Variants in FMN1 observed in about 807,000 individuals in gnomAD.
FMN1 encodes the protein formin-1.
Under a neutral mutation model 132.4 loss-of-function variants are expected in FMN1, and 110 were observed. The observed-to-expected ratio is 0.83, with a 90% CI of 0.71 to 0.97. The LOEUF is 0.97. Ranked by LOEUF, FMN1 falls within the 50% of genes least tolerant of loss-of-function variation. The pLI is 0.00. For missense variants in FMN1, 1,792 were observed against 1,705.3 expected, an observed-to-expected ratio of 1.05 and a Z score of -0.90; for synonymous variants, 722 against 651.7, an observed-to-expected ratio of 1.11 and a Z score of -1.64.
At chr15:33,035,843 T>A (rs56014023) in intron 6 of FMN1, among the ~76,000 whole-genome samples, 1 of 152,118 alleles carries the variant, frequency 6.6e-6, no homozygotes, top group Non-Finnish European at 1.5e-5. Flanking sequence ...CTTTAAGAGG[T>A]GATTCGATCA....
intron 5 of FMN1, among the ~76,000 whole-genome samples, chr15:33,082,586 C>T (rs2038525796): frequency 6.6e-6 from 1 of 152,086 alleles, no homozygotes; most frequent in Non-Finnish European, 1.5e-5. Flanking sequence ...AATTTAGGCC[C>T]CAGTGCTTCT....
At chr15:32,863,808 C>T (rs2059332839) in intron 16 of FMN1, among the ~76,000 whole-genome samples, 2 of 152,208 alleles carry the variant, frequency 1.3e-5, no homozygotes, top group Admixed American at 1.3e-4. Context: ...TGCCCCCAAA[C>T]ACACTTTTAT....
chr15:32,867,313 T>C (rs555906874), intron 16 of FMN1, among the ~76,000 whole-genome samples: 3 of 152,342 alleles, frequency 2.0e-5, no homozygotes, highest in African/African-American at 7.2e-5. Flanking sequence ...AGGCCCTCCA[T>C]GCGCTACGTC....
intron 9 of FMN1, among the ~76,000 whole-genome samples, chr15:32,959,917 A>G (rs1217585124): frequency 2.6e-5 from 4 of 152,238 alleles, no homozygotes; most frequent in Admixed American, 1.3e-4. Flanking sequence ...ACGATCCTGC[A>G]TAAGAAAGCA....
chr15:32,990,983 G>C (rs565513502), intron 7 of FMN1, among the ~76,000 whole-genome samples: 1 of 152,014 alleles, frequency 6.6e-6, no homozygotes, highest in Middle Eastern at 3.2e-3. Context: ...ACTGCAATTC[G>C]AGATTTGGGC....
intron 6 of FMN1, among the ~76,000 whole-genome samples, chr15:33,009,574 G>C (rs928709329): frequency 1.3e-5 from 2 of 152,024 alleles, no homozygotes; most frequent in African/African-American, 2.4e-5. Flanking sequence ...TGCTAATATT[G>C]AAAACAATAA....
intron 7 of FMN1, among the ~76,000 whole-genome samples, chr15:32,989,594 G>C (rs771719910): frequency 6.6e-5 from 10 of 152,132 alleles, no homozygotes; most frequent in African/African-American, 2.4e-4. Flanking sequence ...AGATAAATTG[G>C]AGGGTCTTAA....
At position 32,767,268 on chromosome 15, in the gene FMN1, T is replaced by C. The variant is rs958495526; in HGVS notation, c.*7042A>G. On this transcript the variant is annotated 3_prime_UTR_variant, in exon 21 of 21. Coordinates refer to ENST00000616417, the MANE Select transcript of FMN1 (RefSeq NM_001277313.2). The stretch of plus-strand genomic sequence containing the variant: ...GCAAACTCACAAGATACCAGTTATA[T>C]GAAGACATAAAACTGCATGGATCAG... The C allele has an allele frequency of 1.3e-5, 2 of 152,242 alleles. No individual in the cohort carries two copies. Among genetic ancestry groups the C allele is most frequent in the Admixed American group, 1.3e-4 (2 of 15,288 alleles). 9.4% of individuals were successfully genotyped at this position (152,242 alleles called of 1,614,324 possible). A position where few individuals can be genotyped will look rare whatever the true frequency, so the allele number is the denominator to read the frequency against.
At chr15:33,127,964 A>G (rs1024684276) in intron 4 of FMN1, among the ~76,000 whole-genome samples, 1 of 152,138 alleles carries the variant, frequency 6.6e-6, no homozygotes, top group Non-Finnish European at 1.5e-5. Context: ...AAAGGAAAGA[A>G]AGGGGAAAGG....
At chr15:33,043,375 T>C (rs2036530034) in intron 6 of FMN1, among the ~76,000 whole-genome samples, 1 of 152,232 alleles carries the variant, frequency 6.6e-6, no homozygotes, top group South Asian at 2.1e-4. Context: ...TGTTCTGTGT[T>C]CAAATAAGAC....
chr15:32,791,256 T>TA (rs34636398), intron 19 of FMN1, among the ~76,000 whole-genome samples: 83,310 of 141,606 alleles, frequency 0.59, 24,546 homozygotes, highest in East Asian at 0.77. Context: ...AGCTTTAGTG[T>TA]AAAAAAAAAA....
chr15:32,974,683 A>G (rs2032057551), intron 7 of FMN1, among the ~76,000 whole-genome samples: 2 of 152,214 alleles, frequency 1.3e-5, no homozygotes, highest in Admixed American at 1.3e-4. Flanking sequence ...AAGAGATTCC[A>G]ATGGGAGCCA....
At chr15:33,075,373 T>G (rs1167916556) in intron 5 of FMN1, among the ~76,000 whole-genome samples, 1 of 152,100 alleles carries the variant, frequency 6.6e-6, no homozygotes, top group Non-Finnish European at 1.5e-5. Flanking sequence ...GAAGTTTTCT[T>G]CTCCCAACTC....
intron 9 of FMN1, among the ~76,000 whole-genome samples, chr15:32,933,266 C>T (rs1353277548): frequency 6.6e-6 from 1 of 152,130 alleles, no homozygotes. Flanking sequence ...TGTTTAATTT[C>T]CCTGTATGTA....
intron 3 of FMN1, among the ~76,000 whole-genome samples, chr15:33,177,956 C>T (rs758405840): frequency 3.9e-5 from 6 of 151,918 alleles, no homozygotes; most frequent in East Asian, 1.9e-4. Context: ...TACAGTGAGC[C>T]GAGATTTTGC....
intron 9 of FMN1, among the ~76,000 whole-genome samples, chr15:32,952,342 TAC>T (rs373296230): frequency 7.0e-4 from 107 of 152,346 alleles, no homozygotes; most frequent in African/African-American, 2.4e-3. Flanking sequence ...GATGATTATA[TAC>T]AGAGTGATCT....
chr15:32,797,623 A>G (rs1445167170), intron 19 of FMN1, among the ~76,000 whole-genome samples: 4 of 152,148 alleles, frequency 2.6e-5, no homozygotes, highest in African/African-American at 9.7e-5. Flanking sequence ...TTATCTATAT[A>G]ATGGATATAT....
At chr15:32,987,865 C>T (rs528437455) in intron 7 of FMN1, among the ~76,000 whole-genome samples, 2 of 152,190 alleles carry the variant, frequency 1.3e-5, no homozygotes, top group South Asian at 2.1e-4. Flanking sequence ...GTCTTTCTGT[C>T]GTTGAGTATA....
intron 4 of FMN1, among the ~76,000 whole-genome samples, chr15:33,125,831 T>C (rs1364145791): frequency 6.6e-6 from 1 of 152,218 alleles, no homozygotes; most frequent in African/African-American, 2.4e-5. Flanking sequence ...ATCAAGAATG[T>C]GCTTCATCAG....
Sources: allele counts gnomAD v4.1 joint callset (sites outside exome capture counted in the v4.1 genomes callset), GRCh38; gene constraint gnomAD v4.1.1; transcripts MANE v1.5; gene names NCBI Gene and HGNC (gene_info 2026-07-23, HGNC 2026-07-21).